The following ADK variants were observed in gnomAD, a reference collection of about 807,000 sequenced individuals.
The protein encoded by ADK is adenosine kinase, also known as N6,N6-dimethyladenosine kinase.
ADK carries 24 observed loss-of-function variants against 44.7 expected under a neutral mutation model. The ratio of observed to expected loss-of-function variants is 0.54; its 90% CI spans 0.39 to 0.76. The LOEUF is 0.76. Ranked by LOEUF, ADK falls within the 30% of genes least tolerant of loss-of-function variation. The pLI, the probability that ADK is intolerant of heterozygous loss-of-function variation, is 0.00. For missense variants in ADK, 321 were observed against 425.1 expected (o/e 0.76, Z 2.15); for synonymous variants, 128 against 142.6 (o/e 0.90, Z 0.73).
chr10:74,310,926 T>C (rs986135124), intron 3 of ADK, among the ~76,000 whole-genome samples: 50 of 152,192 alleles, frequency 3.3e-4, no homozygotes, highest in African/African-American at 1.2e-3. Flanking sequence ...CTTCTTTCTT[T>C]GCTCTTGTTT....
intron 4 of ADK, among the ~76,000 whole-genome samples, chr10:74,320,308 T>G (rs918637757): frequency 5.3e-5 from 8 of 152,214 alleles, no homozygotes; most frequent in Non-Finnish European, 1.2e-4. Context: ...GCCTACATGG[T>G]TTCTGATGAG....
At chr10:74,325,882 G>C (rs1023187426) in intron 4 of ADK, among the ~76,000 whole-genome samples, 5 of 151,584 alleles carry the variant, frequency 3.3e-5, no homozygotes, top group Non-Finnish European at 7.4e-5. Context: ...TTAAGACAGA[G>C]TCTCTCTCTG....
chr10:74,407,242 C>T (rs549139100), intron 6 of ADK, among the ~76,000 whole-genome samples: 4 of 152,286 alleles, frequency 2.6e-5, no homozygotes, highest in East Asian at 3.9e-4. Flanking sequence ...AGGCATGAGC[C>T]GCCATGTCCA....
intron 4 of ADK, among the ~76,000 whole-genome samples, chr10:74,330,031 G>A (rs1042931037): frequency 1.3e-5 from 2 of 151,910 alleles, no homozygotes; most frequent in African/African-American, 4.8e-5. Flanking sequence ...AGCCAGGCAC[G>A]GTGGTACATG....
intron 6 of ADK, among the ~76,000 whole-genome samples, chr10:74,402,877 G>C (rs1843769502): frequency 6.6e-6 from 1 of 152,146 alleles, no homozygotes; most frequent in South Asian, 2.1e-4. Flanking sequence ...CCCCATCTTT[G>C]TGGTTTTATC....
At chr10:74,408,781 T>C (rs1225902915) in intron 6 of ADK, among the ~76,000 whole-genome samples, 1 of 152,148 alleles carries the variant, frequency 6.6e-6, no homozygotes, top group African/African-American at 2.4e-5. Context: ...ATTCATTAAG[T>C]GGAAATGGAT....
intron 9 of ADK, among the ~76,000 whole-genome samples, chr10:74,636,311 C>G (rs537505382): frequency 3.9e-5 from 6 of 152,134 alleles, no homozygotes; most frequent in African/African-American, 1.4e-4. Context: ...GAGTGCTTGG[C>G]TACAGAGCTG....
chr10:74,369,008 C>T (rs943814580), intron 4 of ADK, among the ~76,000 whole-genome samples: 19 of 152,230 alleles, frequency 1.2e-4, no homozygotes, highest in Admixed American at 9.2e-4. Context: ...TGTTGGTAAC[C>T]ATTTATGCTG....
chr10:74,645,878 A>G (rs1323423012), intron 9 of ADK, among the ~76,000 whole-genome samples: 2 of 152,168 alleles, frequency 1.3e-5, no homozygotes, highest in East Asian at 1.9e-4. Context: ...CGATATTATC[A>G]TATCAATTGA....
At chr10:74,555,778 A>G (rs148931550) in intron 7 of ADK, among the ~76,000 whole-genome samples, 1 of 152,218 alleles carries the variant, frequency 6.6e-6, no homozygotes, top group Non-Finnish European at 1.5e-5. Context: ...CTGGACAGAA[A>G]GCACCTAGAA....
chr10:74,515,012 G>C (rs1484490767), intron 6 of ADK, among the ~76,000 whole-genome samples: 1 of 152,092 alleles, frequency 6.6e-6, no homozygotes, highest in Non-Finnish European at 1.5e-5. Context: ...TTTTAGTAGA[G>C]ACAGGGTTTC....
chr10:74,295,443 C>T (rs2132495134), intron 3 of ADK, among the ~76,000 whole-genome samples: 1 of 146,566 alleles, frequency 6.8e-6, no homozygotes, highest in South Asian at 2.2e-4. Flanking sequence ...GACTGGGCGA[C>T]AAGAGCAAGA....
At position 74,298,601 on chromosome 10, in the gene ADK, TA is replaced by T. The variant is rs1401347087; in HGVS notation, c.195-16061del. On this transcript the variant is annotated intron_variant, in intron 3 of 10. Transcript: ENST00000539909. ...GACCCTATCTTTTCAAAAATAAAAA[TA>T]AAAAGAGTATTGAGGATTTTAGGCC... is the stretch of plus-strand genomic sequence containing the variant. Among the ~76,000 whole-genome samples, 10 of 151,882 alleles carry T rather than the reference TA, an allele frequency of 6.6e-5. 1 individual carries two copies. The South Asian group carries it at 8.3e-4, about 13-fold the overall frequency.
At chr10:74,462,868 A>G (rs1846219294) in intron 6 of ADK, among the ~76,000 whole-genome samples, 2 of 152,308 alleles carry the variant, frequency 1.3e-5, no homozygotes, top group South Asian at 4.1e-4. Flanking sequence ...GCTATTGATT[A>G]AATTTAGAGA....
At chr10:74,347,488 C>T (rs929412531) in intron 4 of ADK, among the ~76,000 whole-genome samples, 3 of 152,216 alleles carry the variant, frequency 2.0e-5, no homozygotes, top group Non-Finnish European at 4.4e-5. Context: ...CAAAACTGGG[C>T]GGCTGTTTAG....
chr10:74,692,990 C>G (rs899643615), intron 10 of ADK, among the ~76,000 whole-genome samples: 3 of 152,046 alleles, frequency 2.0e-5, no homozygotes, highest in Non-Finnish European at 4.4e-5. Flanking sequence ...TGGGCTGGAG[C>G]TGTGGCGCAA....
In ADK at chr10:74,709,080, C is replaced by G. The variant is rs2131807239; in HGVS notation, c.*635C>G. On this transcript the variant is annotated 3_prime_UTR_variant, in exon 11 of 11. Transcript: ENST00000539909. ...ATATTCAAATCATAGTCTTATGGAACTCTGTAATTGGACACAAACAAAAAC... is the reference window on the plus strand; with the variant it reads ...ATATTCAAATCATAGTCTTATGGAAGTCTGTAATTGGACACAAACAAAAAC... 1 of 152,544 alleles carries G rather than the reference C, an allele frequency of 6.6e-6. No homozygotes were observed. The highest frequency in any genetic ancestry group is 2.1e-4 in the South Asian group (1 of 4,830). 9.4% of individuals were successfully genotyped at this position (152,544 alleles called of 1,614,324 possible).
intron 3 of ADK, among the ~76,000 whole-genome samples, chr10:74,283,517 A>G (rs1351714683): frequency 6.8e-6 from 1 of 147,158 alleles, no homozygotes; most frequent in Non-Finnish European, 1.5e-5. Flanking sequence ...TTGTCATACT[A>G]GATGTTTTCA....
At chr10:74,201,441 A>T (rs1028206967) in intron 2 of ADK, among the ~76,000 whole-genome samples, 7 of 152,202 alleles carry the variant, frequency 4.6e-5, no homozygotes. Context: ...CCCATAGGAC[A>T]GTGTAATAAG....
Sources: gnomAD v4.1 joint callset for allele counts (sites outside exome capture counted in the v4.1 genomes callset) on GRCh38, gnomAD v4.1.1 for gene constraint, MANE v1.5 for transcripts, NCBI Gene and HGNC (gene_info 2026-07-23, HGNC 2026-07-21) for gene names.